The following ATG4B variants were observed in gnomAD, a reference collection of about 807,000 sequenced individuals.
The protein encoded by ATG4B is autophagy related 4B cysteine peptidase.
In ATG4B, 29 loss-of-function variants were observed where a neutral mutation model predicts 56.6. The ratio of observed to expected loss-of-function variants is 0.51; its 90% CI spans 0.38 to 0.70. ATG4B has a LOEUF of 0.70. Ranked by LOEUF, ATG4B falls within the 30% of genes least tolerant of loss-of-function variation. ATG4B has a pLI of 0.00. For missense variants in ATG4B, 461 were observed against 515.5 expected, an observed-to-expected ratio of 0.89 and a Z score of 1.02; for synonymous variants, 224 against 206.1, an observed-to-expected ratio of 1.09 and a Z score of -0.74.
Position 241,666,976 on chromosome 2 carries a change from C to T in ATG4B, c.732+138C>T, listed in dbSNP as rs1028084699. 2.8e-5 allele frequency: 29 copies of T among 1,047,974 alleles called. No homozygotes were observed. In the East Asian group the frequency reaches 2.9e-4, roughly 10 times the overall value. The allele number at this position is 1,047,974 out of a possible 1,614,324, so 64.9% of individuals were successfully genotyped here. The stretch of plus-strand genomic sequence containing the variant: ...AGGGGTAAACAACCCTGGTTTACAC[C>T]GTTGCCCAAGGGGTGAGTGGGCGTG... On this transcript the variant is annotated intron_variant, in intron 8 of 12. Coordinates refer to ENST00000404914, the MANE Select transcript of ATG4B (RefSeq NM_013325.5).
At position 241,670,748 on chromosome 2, in the gene ATG4B, A is replaced by G. The variant is rs1457061338; in HGVS notation, c.980A>G (p.Asp327Gly). 6.8e-6 allele frequency: 11 copies of G among 1,611,140 alleles called. No individual in the cohort carries two copies. The highest frequency in any genetic ancestry group is 8.5e-6 in the Non-Finnish European group (10 of 1,178,646). ...TAGGGGTTTTTCTGTAAGACTGAAG[A>G]TGACTTCAATGATTGGTGCCAGCAA... Reference protein sequence around the residue: ...IAVGFFCKTEDDFNDWCQQVK... With the variant: ...IAVGFFCKTEGDFNDWCQQVK... The change falls in exon 11 of 13, where the codon GAT becomes GGT. Residue 327 changes from aspartate (D) to glycine (G), a missense_variant. Transcript: ENST00000404914.
chr2:241,655,393 TG>T (rs1450183723), intron 6 of ATG4B, 50 bp downstream of exon 6: 1 of 1,554,960 alleles, frequency 6.4e-7, no homozygotes, highest in South Asian at 1.2e-5. Context: ...GGATGTTCCC[TG>T]GGGGTTAAAT....
At chr2:241,647,863 C>T (rs2068110563) in intron 1 of ATG4B, among the ~76,000 whole-genome samples, 1 of 152,126 alleles carries the variant, frequency 6.6e-6, no homozygotes, top group Non-Finnish European at 1.5e-5. Flanking sequence ...CCTGTAATCC[C>T]AGCACTTTGG....
At position 241,651,689 on chromosome 2, in the gene ATG4B, G is replaced by A. The variant is rs2125123699; in HGVS notation, c.184+354G>A. ...TGGCGCTTCAGGGATCTTCGTTTTC[G>A]TTTGCATGTTTGAGTGTGTGTTCTG... On this transcript the variant is annotated intron_variant, in intron 3 of 12. Coordinates refer to ENST00000404914, the MANE Select transcript of ATG4B (RefSeq NM_013325.5). This position sits in a 1 kb window ranked among gnomAD's most constrained non-coding sequence, Gnocchi z 4.1. 6.6e-6 allele frequency among the ~76,000 whole-genome samples: 1 copy of A among 152,306 alleles called. No individual in the cohort carries two copies. Among genetic ancestry groups the A allele is most frequent in the East Asian group, 1.9e-4 (1 of 5,182 alleles).
At position 241,668,985 on chromosome 2, in the gene ATG4B, GGTGA is replaced by G. The variant is rs780070710; in HGVS notation, c.957+304_957+307del. 265 of 407,688 alleles carry G rather than the reference GGTGA, an allele frequency of 6.5e-4. No homozygotes were observed. Among genetic ancestry groups the G allele is most frequent in the Non-Finnish European group, 2.3e-4 (52 of 227,158 alleles). The allele number at this position is 407,688 out of a possible 1,614,324, so 25.3% of individuals were successfully genotyped here. The stretch of plus-strand genomic sequence containing the variant: ...GTGTGCATGGATGAGTGTGAGCCAT[GGTGA>G]GTGTGTCCCCCTCACACCTACATTT... On this transcript the variant is annotated intron_variant, in intron 10 of 12. Coordinates refer to ENST00000404914, the MANE Select transcript of ATG4B (RefSeq NM_013325.5). This position sits in a 1 kb window ranked among gnomAD's most constrained non-coding sequence, Gnocchi z 4.2.
At chr2:241,656,620 C>G (rs1450545425) in intron 6 of ATG4B, among the ~76,000 whole-genome samples, 2 of 152,260 alleles carry the variant, frequency 1.3e-5, no homozygotes, top group Non-Finnish European at 2.9e-5. Context: ...CCTGCAAGTG[C>G]TGTGGCACTC....
intron 8 of ATG4B, chr2:241,667,882 G>A (rs2068828943): frequency 6.5e-6 from 3 of 463,472 alleles, no homozygotes; most frequent in Middle Eastern, 5.8e-4. Flanking sequence ...CTCCTGCCAG[G>A]CCCCCTCACT....
At chr2:241,647,830 T>C (rs2068109466) in intron 1 of ATG4B, among the ~76,000 whole-genome samples, 1 of 151,112 alleles carries the variant, frequency 6.6e-6, no homozygotes. Context: ...AAGATAGGAG[T>C]GGGCCGGATG....
intron 4 of ATG4B, 33 bp from the exon 5 acceptor site, chr2:241,654,512 TG>T: frequency 6.8e-7 from 1 of 1,465,252 alleles, no homozygotes; most frequent in Non-Finnish European, 9.4e-7. Flanking sequence ...CTCATATTTA[TG>T]GTAGAGCTGA....
intron 10 of ATG4B, among the ~76,000 whole-genome samples, chr2:241,669,952 CAGA>C (rs2068908699): frequency 6.6e-6 from 1 of 152,098 alleles, no homozygotes; most frequent in Admixed American, 6.6e-5. Context: ...CCACCGCAGA[CAGA>C]GGAGTGGACG....
In ATG4B at chr2:241,651,595, C is replaced by A. The variant is rs1213164323; in HGVS notation, c.184+260C>A. Among the ~76,000 whole-genome samples, 2 of 152,190 alleles carry A rather than the reference C, an allele frequency of 1.3e-5. No individual in the cohort carries two copies. Among genetic ancestry groups the A allele is most frequent in the Non-Finnish European group, 2.9e-5 (2 of 68,042 alleles). The stretch of plus-strand genomic sequence containing the variant: ...TGGAAATCAGTATCATGAGTTATGA[C>A]CAACGTTGTTTTAAATGTAGGACAG... On this transcript the variant is annotated intron_variant, in intron 3 of 12. Coordinates refer to ENST00000404914, the MANE Select transcript of ATG4B (RefSeq NM_013325.5). The surrounding 1 kb of genome is among the most constrained non-coding windows in gnomAD (Gnocchi z 4.1).
intron 5 of ATG4B, 182 bp downstream of exon 5, chr2:241,654,829 A>C (rs905209445): frequency 3.3e-6 from 2 of 601,352 alleles, no homozygotes; most frequent in Non-Finnish European, 5.9e-6. Flanking sequence ...ATCCCACATC[A>C]CCCCCGTCCC....
chr2:241,637,978 C>T (rs1041673472), intron 1 of ATG4B, among the ~76,000 whole-genome samples: 2 of 151,598 alleles, frequency 1.3e-5, no homozygotes, highest in African/African-American at 2.4e-5. Context: ...TTTTCCGGTC[C>T]CGTCCGGAGC....
chr2:241,650,525 A>G (rs1034048075), intron 1 of ATG4B, among the ~76,000 whole-genome samples: 3 of 152,056 alleles, frequency 2.0e-5, no homozygotes, highest in Admixed American at 6.6e-5. Flanking sequence ...GGCCATGGAA[A>G]ACGACTCTTT....
chr2:241,666,607 G>A (rs2068783181), intron 7 of ATG4B, 38 bp from the exon 8 acceptor site: 2 of 1,605,774 alleles, frequency 1.2e-6, no homozygotes, highest in South Asian at 1.1e-5. Context: ...CTTTTGCACA[G>A]GTCTGCTTGG....
intron 11 of ATG4B, 97 bp downstream of exon 11, chr2:241,670,879 C>A: frequency 7.8e-7 from 1 of 1,281,828 alleles, no homozygotes; most frequent in Non-Finnish European, 1.1e-6. Flanking sequence ...AGGTCTCAGG[C>A]AGCCTCACTG....
rs2068313246 is a variant in ATG4B, at chr2:241,654,148, T to C, written c.284-398T>C. On this transcript the variant is annotated intron_variant, in intron 4 of 12. Coordinates refer to ENST00000404914, the MANE Select transcript of ATG4B (RefSeq NM_013325.5). ...TACTTTTAAAAGATTCTGGGCTGGG[T>C]GTGGTGGCTCACGCCTGTAATCCCA... 2.0e-5 allele frequency among the ~76,000 whole-genome samples: 3 copies of C among 152,034 alleles called. No individual in the cohort carries two copies. The East Asian group carries it at 5.8e-4, about 29-fold the overall frequency.
chr2:241,646,781 CTTTTT>C (rs35123109), intron 1 of ATG4B, among the ~76,000 whole-genome samples: 8 of 122,854 alleles, frequency 6.5e-5, no homozygotes, highest in Admixed American at 8.2e-5. Context: ...GTATTCAATG[CTTTTT>C]TTTTTTTTTT....
intron 7 of ATG4B, among the ~76,000 whole-genome samples, chr2:241,666,261 G>C (rs148017802): frequency 6.6e-6 from 1 of 152,338 alleles, no homozygotes; most frequent in South Asian, 2.1e-4. Context: ...GGGTGGAAGC[G>C]AGGAAAGGCG....
Sources: allele counts gnomAD v4.1 joint callset (sites outside exome capture counted in the v4.1 genomes callset), GRCh38; gene constraint gnomAD v4.1.1; non-coding constraint Gnocchi (gnomAD v3.1); transcripts MANE v1.5; gene names NCBI Gene and HGNC (gene_info 2026-07-23, HGNC 2026-07-21).